Variants in WDR70 observed in about 807,000 individuals in gnomAD.
WDR70 encodes the protein WD repeat domain 70, also known as WD repeat-containing protein 70.
Under a neutral mutation model 88.6 loss-of-function variants are expected in WDR70, and 53 were observed. The ratio of observed to expected loss-of-function variants is 0.60; its 90% CI spans 0.48 to 0.75. WDR70 has a LOEUF of 0.75. Among genes scored for constraint, WDR70 ranks in the 30% least tolerant of loss-of-function variants. WDR70 has a pLI of 0.00. For missense variants in WDR70, 610 were observed against 823.2 expected (o/e 0.74, Z 3.17); for synonymous variants, 280 against 270.0 (o/e 1.04, Z -0.36).
chr5:37,563,524 C>T (rs1226112433), intron 9 of WDR70, among the ~76,000 whole-genome samples: 4 of 61,104 alleles, frequency 6.5e-5, no homozygotes, highest in Admixed American at 1.7e-4. Flanking sequence ...CGCCCCTCAC[C>T]TCCCGGATGG....
At chr5:37,460,959 A>G (rs905442271) in intron 7 of WDR70, among the ~76,000 whole-genome samples, 5 of 152,020 alleles carry the variant, frequency 3.3e-5, no homozygotes, top group African/African-American at 7.2e-5. Flanking sequence ...CTTGTTTCAT[A>G]TTAAGGTTGC....
At chr5:37,507,007 A>ACG in intron 8 of WDR70, 1 of 600,278 alleles carries the variant, frequency 1.7e-6, no homozygotes. Flanking sequence ...ACACACACAC[A>ACG]GGCACTCTGT....
At chr5:37,506,419 G>A in intron 8 of WDR70, 1 of 771,902 alleles carries the variant, frequency 1.3e-6, no homozygotes, top group South Asian at 1.4e-5. Context: ...TTCAAAGTGG[G>A]TTCAAAGTAC....
chr5:37,721,513 CAG>C, intron 14 of WDR70: 1 of 375,582 alleles, frequency 2.7e-6, no homozygotes, highest in South Asian at 4.0e-5. Context: ...CCACCCTGGA[CAG>C]AGGCATTAGC....
At chr5:37,625,952 A>G (rs1744652643) in intron 10 of WDR70, among the ~76,000 whole-genome samples, 1 of 150,438 alleles carries the variant, frequency 6.6e-6, no homozygotes, top group Non-Finnish European at 1.5e-5. Flanking sequence ...ATTTTTGTAT[A>G]TTAATTTTGT....
intron 10 of WDR70, among the ~76,000 whole-genome samples, chr5:37,614,363 G>A (rs1744273175): frequency 6.6e-6 from 1 of 152,044 alleles, no homozygotes; most frequent in Admixed American, 6.6e-5. Context: ...GATAATCTAG[G>A]ATAATCTCCC....
At chr5:37,488,180 T>G (rs1739953799) in intron 8 of WDR70, among the ~76,000 whole-genome samples, 1 of 149,684 alleles carries the variant, frequency 6.7e-6, no homozygotes. Context: ...GTCTGATGGG[T>G]GTGGTCTTAT....
chr5:37,527,011 C>T, intron 9 of WDR70, among the ~76,000 whole-genome samples: 1 of 152,212 alleles, frequency 6.6e-6, no homozygotes, highest in Non-Finnish European at 1.5e-5. Context: ...ACATTCCATG[C>T]TCATGGGTAG....
At chr5:37,715,545 T>C (rs377447837) in intron 13 of WDR70, among the ~76,000 whole-genome samples, 6 of 152,158 alleles carry the variant, frequency 3.9e-5, no homozygotes, top group South Asian at 2.1e-4. Flanking sequence ...TATTGGAGAC[T>C]GGGGCTTACT....
At chr5:37,678,023 T>A (rs1173709365) in intron 10 of WDR70, among the ~76,000 whole-genome samples, 71 of 152,234 alleles carry the variant, frequency 4.7e-4, no homozygotes, top group Non-Finnish European at 6.9e-4. Context: ...GTTGGTTTAA[T>A]GTCTGTTTTA....
At chr5:37,687,930 A>G (rs750678898) in intron 10 of WDR70, 10 of 694,446 alleles carry the variant, frequency 1.4e-5, no homozygotes, top group Non-Finnish European at 2.1e-5. Context: ...TAAGACTGTC[A>G]TATGGAACTG....
intron 10 of WDR70, among the ~76,000 whole-genome samples, chr5:37,691,030 A>T (rs1405894229): frequency 3.3e-5 from 5 of 152,186 alleles, no homozygotes; most frequent in African/African-American, 1.2e-4. Flanking sequence ...ATGGAGGGGG[A>T]TCTACCAAGC....
chr5:37,466,582 T>G (rs1739156251), intron 7 of WDR70, among the ~76,000 whole-genome samples: 1 of 151,572 alleles, frequency 6.6e-6, no homozygotes, highest in Admixed American at 6.6e-5. Flanking sequence ...GGCGGGCGCC[T>G]GTAGTCCCAG....
At chr5:37,425,612 T>G (rs942816277) in intron 5 of WDR70, among the ~76,000 whole-genome samples, 2 of 152,180 alleles carry the variant, frequency 1.3e-5, no homozygotes, top group Non-Finnish European at 2.9e-5. Context: ...ATCAGAACAC[T>G]AACAGGAGGA....
chr5:37,441,462 A>C (rs939751303), intron 6 of WDR70, among the ~76,000 whole-genome samples: 2 of 152,186 alleles, frequency 1.3e-5, no homozygotes, highest in African/African-American at 4.8e-5. Context: ...AATTATAATT[A>C]TATTAATTAC....
chr5:37,502,474 G>C (rs929323387), intron 8 of WDR70, among the ~76,000 whole-genome samples: 6 of 152,032 alleles, frequency 3.9e-5, no homozygotes, highest in Non-Finnish European at 5.9e-5. Flanking sequence ...TGCCTAGTTT[G>C]TTGCTTGTTT....
At chr5:37,741,522 A>T (rs567592985) in intron 17 of WDR70, among the ~76,000 whole-genome samples, 1 of 152,192 alleles carries the variant, frequency 6.6e-6, no homozygotes, top group South Asian at 2.1e-4. Flanking sequence ...TCCACCTCAG[A>T]TCATCAGGCA....
chr5:37,685,222 A>G (rs1032037334), intron 10 of WDR70, among the ~76,000 whole-genome samples: 2 of 152,078 alleles, frequency 1.3e-5, no homozygotes, highest in African/African-American at 4.8e-5. Flanking sequence ...CGCTCTTACC[A>G]GTAACAGTGT....
chr5:37,644,990 C>G (rs893395603), intron 10 of WDR70, among the ~76,000 whole-genome samples: 1 of 151,690 alleles, frequency 6.6e-6, no homozygotes, highest in Non-Finnish European at 1.5e-5. Flanking sequence ...TATTTCTGCT[C>G]TGATCTTTAT....
Sources: gnomAD v4.1 joint callset for allele counts (sites outside exome capture counted in the v4.1 genomes callset) on GRCh38, gnomAD v4.1.1 for gene constraint, MANE v1.5 for transcripts, NCBI Gene and HGNC (gene_info 2026-07-23, HGNC 2026-07-21) for gene names.